Variants in SGCZ observed in about 807,000 individuals in gnomAD.
SGCZ encodes sarcoglycan zeta, also known as zeta-sarcoglycan.
In SGCZ, 40 loss-of-function variants were observed where a neutral mutation model predicts 41.3. The observed-to-expected ratio is 0.97, with a 90% CI of 0.75 to 1.26. The LOEUF is 1.26. Ranked by LOEUF, SGCZ falls within the 50% of genes most tolerant of loss-of-function variation. The probability of loss-of-function intolerance (pLI) is 0.00; values close to 1 mark genes in which losing one functional copy is unlikely to be tolerated. For synonymous variants in SGCZ, 206 were observed against 137.5 expected (o/e 1.50, Z -3.49); for missense variants, 552 against 369.8 (o/e 1.49, Z -4.04).
intron 1 of SGCZ, among the ~76,000 whole-genome samples, chr8:15,005,687 G>A (rs990260104): frequency 8.6e-5 from 13 of 150,876 alleles, no homozygotes; most frequent in Non-Finnish European, 1.3e-4. Context: ...GCCCTAGAAC[G>A]TGGCTTCATT....
intron 1 of SGCZ, among the ~76,000 whole-genome samples, chr8:14,655,688 C>T (rs1224785992): frequency 6.6e-6 from 1 of 152,076 alleles, no homozygotes; most frequent in African/African-American, 2.4e-5. Context: ...AACCAAGATA[C>T]TGACAGTAAT....
intron 1 of SGCZ, among the ~76,000 whole-genome samples, chr8:14,755,647 G>C (rs1036717812): frequency 2.0e-5 from 3 of 152,104 alleles, no homozygotes; most frequent in Non-Finnish European, 4.4e-5. Context: ...AGGTAATCTG[G>C]TGTAGAATTA....
At chr8:14,229,344 C>T (rs1367549599) in intron 4 of SGCZ, among the ~76,000 whole-genome samples, 1 of 151,986 alleles carries the variant, frequency 6.6e-6, no homozygotes, top group Non-Finnish European at 1.5e-5. Context: ...AGACATAATT[C>T]TCATTACACC....
At chr8:15,218,177 T>C (rs1189225955) in intron 1 of SGCZ, among the ~76,000 whole-genome samples, 1 of 152,218 alleles carries the variant, frequency 6.6e-6, no homozygotes, top group Non-Finnish European at 1.5e-5. Flanking sequence ...GGTAACTTTT[T>C]TAAGTTTCTC....
At chr8:14,442,769 A>G (rs1800309622) in intron 2 of SGCZ, among the ~76,000 whole-genome samples, 1 of 152,214 alleles carries the variant, frequency 6.6e-6, no homozygotes, top group Non-Finnish European at 1.5e-5. Flanking sequence ...TTGGCTCTTC[A>G]TTCAAAGCCA....
chr8:14,277,377 G>A (rs1297765209), intron 3 of SGCZ, among the ~76,000 whole-genome samples: 1 of 152,000 alleles, frequency 6.6e-6, no homozygotes, highest in East Asian at 1.9e-4. Context: ...AACTTCAAAT[G>A]CCAGTTCAAA....
chr8:14,515,450 G>C (rs773093640), intron 2 of SGCZ, among the ~76,000 whole-genome samples: 5 of 151,988 alleles, frequency 3.3e-5, no homozygotes, highest in Non-Finnish European at 5.9e-5. Context: ...ATGTATCTTG[G>C]TTTCTAACAT....
At chr8:14,309,081 C>T (rs1021916084) in intron 3 of SGCZ, 27 of 1,429,354 alleles carry the variant, frequency 1.9e-5, no homozygotes, top group South Asian at 3.5e-5. Context: ...GAGGAGAAAA[C>T]GGAATCTCAT....
intron 1 of SGCZ, among the ~76,000 whole-genome samples, chr8:14,823,903 G>C (rs1802198785): frequency 6.6e-6 from 1 of 151,952 alleles, no homozygotes. Context: ...GCTTTAAAAA[G>C]GAATTAAATT....
intron 3 of SGCZ, among the ~76,000 whole-genome samples, chr8:14,258,286 C>T (rs1182452297): frequency 6.6e-6 from 1 of 152,116 alleles, no homozygotes; most frequent in Non-Finnish European, 1.5e-5. Flanking sequence ...TAAACTTACA[C>T]CATTAATCAT....
intron 2 of SGCZ, among the ~76,000 whole-genome samples, chr8:14,332,151 G>A (rs978381860): frequency 2.0e-5 from 3 of 152,038 alleles, no homozygotes; most frequent in Admixed American, 2.0e-4. Context: ...ATAAAAATAT[G>A]ATGACCGTGC....
intron 2 of SGCZ, among the ~76,000 whole-genome samples, chr8:14,527,678 A>C (rs1454415117): frequency 6.6e-6 from 1 of 152,130 alleles, no homozygotes; most frequent in Non-Finnish European, 1.5e-5. Context: ...AATTAAACCA[A>C]AAAATTCAGT....
intron 1 of SGCZ, among the ~76,000 whole-genome samples, chr8:14,710,594 A>G (rs975525030): frequency 6.6e-6 from 1 of 152,004 alleles, no homozygotes; most frequent in East Asian, 1.9e-4. Flanking sequence ...ATAATTATAT[A>G]CTCTGCCTTA....
intron 2 of SGCZ, among the ~76,000 whole-genome samples, chr8:14,533,049 G>T (rs997236481): frequency 5.3e-5 from 8 of 151,882 alleles, no homozygotes; most frequent in African/African-American, 1.7e-4. Context: ...CAAGGTGCAG[G>T]TTTGTTACAT....
At chr8:14,171,808 A>G (rs747397145) in intron 4 of SGCZ, among the ~76,000 whole-genome samples, 53 of 152,058 alleles carry the variant, frequency 3.5e-4, no homozygotes, top group Non-Finnish European at 5.7e-4. Flanking sequence ...AAATTATTCT[A>G]TGTTTCATCT....
intron 1 of SGCZ, among the ~76,000 whole-genome samples, chr8:15,215,161 A>G (rs1302970514): frequency 6.6e-6 from 1 of 152,220 alleles, no homozygotes; most frequent in Non-Finnish European, 1.5e-5. Context: ...AGTTAACTGA[A>G]GTAAACTGTG....
At chr8:14,794,431 A>C (rs1033222531) in intron 1 of SGCZ, among the ~76,000 whole-genome samples, 3 of 152,170 alleles carry the variant, frequency 2.0e-5, no homozygotes, top group African/African-American at 7.2e-5. Context: ...CTGAAACTTA[A>C]AGCTCAATAG....
At chr8:14,816,955 G>T (rs1370918452) in intron 1 of SGCZ, among the ~76,000 whole-genome samples, 1 of 152,184 alleles carries the variant, frequency 6.6e-6, no homozygotes, top group Non-Finnish European at 1.5e-5. Flanking sequence ...ATTAGACTGT[G>T]TCTAAGCTCA....
At chr8:14,801,569 G>C (rs1801322247) in intron 1 of SGCZ, among the ~76,000 whole-genome samples, 2 of 152,128 alleles carry the variant, frequency 1.3e-5, no homozygotes, top group South Asian at 4.1e-4. Context: ...AGATCGTAAA[G>C]TAAATGGCCA....
Sources: allele counts gnomAD v4.1 joint callset (sites outside exome capture counted in the v4.1 genomes callset), GRCh38; gene constraint gnomAD v4.1.1; transcripts MANE v1.5; gene names NCBI Gene and HGNC (gene_info 2026-07-23, HGNC 2026-07-21).